The following ZBTB11 variants were observed in gnomAD, a reference collection of about 807,000 sequenced individuals.
ZBTB11 encodes the protein zinc finger and BTB domain-containing protein 11.
A neutral mutation model predicts 113.1 loss-of-function variants in ZBTB11; 68 were observed. That is an observed-to-expected ratio of 0.60 (90% CI 0.49 to 0.74). The LOEUF (loss-of-function observed/expected upper bound fraction) is 0.74. Among genes scored for constraint, ZBTB11 ranks in the 30% least tolerant of loss-of-function variants. The probability of loss-of-function intolerance (pLI) is 0.00; values close to 1 mark genes in which losing one functional copy is unlikely to be tolerated. For synonymous variants in ZBTB11, 518 were observed against 452.6 expected, an observed-to-expected ratio of 1.14 and a Z score of -1.83; for missense variants, 1,104 against 1,279.4, an observed-to-expected ratio of 0.86 and a Z score of 2.09.
intron 4 of ZBTB11, 100 bp downstream of exon 4, chr3:101,664,864 C>T: frequency 6.6e-7 from 1 of 1,509,044 alleles, no homozygotes; most frequent in East Asian, 2.3e-5. Flanking sequence ...TTGTACCCAT[C>T]TCACCTCCCA....
chr3:101,675,530 C>T (rs964866678), intron 1 of ZBTB11, among the ~76,000 whole-genome samples: 1 of 152,194 alleles, frequency 6.6e-6, no homozygotes, highest in South Asian at 2.1e-4. Flanking sequence ...CTGTTCCTAA[C>T]AAAATTTCTT....
intron 3 of ZBTB11, among the ~76,000 whole-genome samples, chr3:101,667,877 A>G (rs1937022321): frequency 6.6e-6 from 1 of 152,184 alleles, no homozygotes. Context: ...CTACCCAAAG[A>G]AAAGAAATTA....
chr3:101,676,844 C>T lies in ZBTB11; in HGVS notation c.71G>A (p.Gly24Asp). The change falls in exon 1 of 11, where the codon GGC becomes GAC. Residue 24 changes from glycine to aspartate, a missense_variant. Physicochemically the swap from Gly to Asp is moderately conservative, Grantham distance 94. This residue lies in a region of ZBTB11 where 245 missense variants were observed against 272.5 expected (regional missense o/e 0.90). Coordinates refer to ENST00000312938, the MANE Select transcript of ZBTB11 (RefSeq NM_014415.4). ...LTNEREPYAP[G>D]TEGNVKRKIR... ...TTTACGCTTGACATTGCCCTCGGTG[C>T]CCGGCGCATACGGCTCGCGCTCGTT... The T allele has an allele frequency of 6.2e-7, 1 of 1,611,502 alleles. No individual in the cohort carries two copies. Among genetic ancestry groups the T allele is most frequent in the Non-Finnish European group, 8.5e-7 (1 of 1,179,004 alleles).
In ZBTB11 at chr3:101,663,746, C is replaced by T. The variant is rs146562061; in HGVS notation, c.1800+792G>A. Among the ~76,000 whole-genome samples the T allele has an allele frequency of 4.0e-4, 61 of 152,190 alleles. No homozygotes were observed. In the East Asian group the frequency reaches 0.011, roughly 27 times the overall value. On this transcript the variant is annotated intron_variant, in intron 5 of 10. Coordinates refer to ENST00000312938, the MANE Select transcript of ZBTB11 (RefSeq NM_014415.4). ...CATATAAAAATACAAAAAAATTAGC[C>T]AGGCATGGTGGCTCGTGCCTGTAGT...
In ZBTB11 at chr3:101,672,123, T is replaced by C. The variant is rs1190601166; in HGVS notation, c.401A>G (p.Glu134Gly). 2.5e-6 allele frequency: 4 copies of C among 1,614,072 alleles called. No individual in the cohort carries two copies. Residue 134 changes from glutamate (E) to glycine (G), a missense_variant, in exon 2 of 11, where the codon GAA becomes GGA. Physicochemically the swap from Glu to Gly is moderately conservative, Grantham distance 98. Coordinates refer to ENST00000312938, the MANE Select transcript of ZBTB11 (RefSeq NM_014415.4). ...GTCTAGTCCCAATTCTTCCAACATT[T>C]CTGAAACATCTGATATTGGACGGGA... ...DRSRPISDVSEMLEELGLDLE... is the reference protein window; with the variant it reads ...DRSRPISDVSGMLEELGLDLE...
chr3:101,651,781 C>A, intron 10 of ZBTB11, 98 bp from the exon 11 acceptor site: 1 of 1,235,376 alleles, frequency 8.1e-7, no homozygotes, highest in Non-Finnish European at 1.1e-6. Context: ...AGTACAGTAG[C>A]TCATAAGCCT....
rs776219239 is a variant in ZBTB11, at chr3:101,671,290, T to C, written c.618A>G (p.Glu206=). 6.2e-7 allele frequency: 1 copy of C among 1,614,198 alleles called. No individual in the cohort carries two copies. Among genetic ancestry groups the C allele is most frequent in the East Asian group, 2.2e-5 (1 of 44,874 alleles). ...HCQAVLKQLN[E]QRLSNQFCDV... ...CACAGAACTGGTTGGAAAGTCTCTG[T>C]TCGTTCAGCTGTTTTAAGACAGCCT... is the stretch of plus-strand genomic sequence containing the variant. The change falls in exon 3 of 11, where the codon GAA becomes GAG. Residue 206 remains glutamate (E), a synonymous_variant. Coordinates refer to ENST00000312938, the MANE Select transcript of ZBTB11 (RefSeq NM_014415.4).
chr3:101,672,763 AC>A (rs1430656081), intron 1 of ZBTB11, among the ~76,000 whole-genome samples: 3 of 152,244 alleles, frequency 2.0e-5, no homozygotes, highest in Non-Finnish European at 2.9e-5. Flanking sequence ...TCAAGCTAAT[AC>A]TTCTCCACCC....
chr3:101,677,086 A>T lies in ZBTB11; in HGVS notation c.-172T>A. ...CGAAGGAAAAGCGGGCGAGTTGGTA[A>T]CCAGGGGGAACTGCACTTCTCCAGC... On this transcript the variant is annotated 5_prime_UTR_variant, in exon 1 of 11. Coordinates refer to ENST00000312938, the MANE Select transcript of ZBTB11 (RefSeq NM_014415.4). The T allele has an allele frequency of 1.5e-6, 1 of 689,362 alleles. No homozygotes were observed. Among genetic ancestry groups the T allele is most frequent in the Non-Finnish European group, 2.3e-6 (1 of 439,244 alleles). The allele number at this position is 689,362 out of a possible 1,614,324, so 42.7% of individuals were successfully genotyped here.
At chr3:101,652,115 C>A (rs368320603) in intron 10 of ZBTB11, among the ~76,000 whole-genome samples, 1 of 151,512 alleles carries the variant, frequency 6.6e-6, no homozygotes, top group Non-Finnish European at 1.5e-5. Context: ...GGTGACAGAG[C>A]AAGACTTTGT....
Position 101,659,826 on chromosome 3 carries a change from A to G in ZBTB11, c.2003T>C (p.Ile668Thr). 6.2e-7 allele frequency: 1 copy of G among 1,614,216 alleles called. No homozygotes were observed. The highest frequency in any genetic ancestry group is 8.5e-7 in the Non-Finnish European group (1 of 1,180,030). ...RTLPKLYSLRIHMLKHTGVKP... is the reference protein window; with the variant it reads ...RTLPKLYSLRTHMLKHTGVKP... ...TACACCTGTGTGCTTTAACATATGT[A>G]TTCGGAGAGAATATAATTTAGGTAA... The change falls in exon 6 of 11, where the codon ATA becomes ACA. Residue 668 changes from isoleucine to threonine, a missense_variant. Coordinates refer to ENST00000312938, the MANE Select transcript of ZBTB11 (RefSeq NM_014415.4).
chr3:101,674,949 T>C (rs959794705), intron 1 of ZBTB11, among the ~76,000 whole-genome samples: 1 of 152,180 alleles, frequency 6.6e-6, no homozygotes, highest in African/African-American at 2.4e-5. Context: ...TTTTAGTTTT[T>C]TCATCTGTAA....
At chr3:101,664,511 C>T (rs1936946380) in intron 5 of ZBTB11, 27 bp downstream of exon 5, 1 of 1,578,866 alleles carries the variant, frequency 6.3e-7, no homozygotes, top group Non-Finnish European at 8.6e-7. Flanking sequence ...ATTAGAGTTA[C>T]CTTCAATTAG....
Position 101,665,330 on chromosome 3 carries a change from G to A in ZBTB11, c.1257C>T (p.Asn419=). ...TGTTTGAAGTTTCTAGTTCTGTCTG[G>A]TTGTTTTTTGTTATTAAATCAACAG... ...MESVDLITKN[N]QTELETSNNR... The change falls in exon 4 of 11, where the codon AAC becomes AAT. Residue 419 remains asparagine (N), a synonymous_variant. Coordinates refer to ENST00000312938, the MANE Select transcript of ZBTB11 (RefSeq NM_014415.4). The A allele has an allele frequency of 1.9e-6, 3 of 1,614,132 alleles. No individual in the cohort carries two copies. The highest frequency in any genetic ancestry group is 2.2e-5 in the South Asian group (2 of 91,076).
chr3:101,654,688 C>T lies in ZBTB11; in HGVS notation c.2309+16G>A, dbSNP rs1194470550. The T allele has an allele frequency of 6.3e-7, 1 of 1,588,316 alleles. No individual in the cohort carries two copies. Among genetic ancestry groups the T allele is most frequent in the Non-Finnish European group, 8.6e-7 (1 of 1,162,270 alleles). The stretch of plus-strand genomic sequence containing the variant: ...ATAATTAAATTAACTGAATGCCTCA[C>T]ATATTGAATACTTACTGAGTACAAT... On this transcript the variant is annotated intron_variant, in intron 8 of 10. Coordinates refer to ENST00000312938, the MANE Select transcript of ZBTB11 (RefSeq NM_014415.4).
In ZBTB11 at chr3:101,677,028, T is replaced by G. The variant is rs2108332018; in HGVS notation, c.-114A>C. The stretch of plus-strand genomic sequence containing the variant: ...CACCGTAGGGAGAAACGGCTGCGCC[T>G]TTGGCGAGCGCTCTTCGACGGCTCC... On this transcript the variant is annotated 5_prime_UTR_variant, in exon 1 of 11. Coordinates refer to ENST00000312938, the MANE Select transcript of ZBTB11 (RefSeq NM_014415.4). The G allele has an allele frequency of 8.2e-7, 1 of 1,225,320 alleles. No homozygotes were observed. Among genetic ancestry groups the G allele is most frequent in the African/African-American group, 1.6e-5 (1 of 64,262 alleles). 75.9% of individuals were successfully genotyped at this position (1,225,320 alleles called of 1,614,324 possible).
intron 3 of ZBTB11, among the ~76,000 whole-genome samples, chr3:101,670,454 CAAT>C (rs1937070603): frequency 6.6e-6 from 1 of 151,984 alleles, no homozygotes; most frequent in African/African-American, 2.4e-5. Flanking sequence ...TATTTATTTA[CAAT>C]AATGATACAA....
At chr3:101,652,356 G>T in intron 10 of ZBTB11, 140 bp downstream of exon 10, 1 of 795,610 alleles carries the variant, frequency 1.3e-6, no homozygotes, top group Non-Finnish European at 1.9e-6. Context: ...AGGTACTCAG[G>T]TTCAGGATCA....
chr3:101,672,290 T>A, intron 1 of ZBTB11, 77 bp from the exon 2 acceptor site: 1 of 1,011,982 alleles, frequency 9.9e-7, no homozygotes, highest in Non-Finnish European at 1.5e-6. Context: ...CTGTGCACAT[T>A]AACACATTTC....
Sources: allele counts gnomAD v4.1 joint callset (sites outside exome capture counted in the v4.1 genomes callset), GRCh38; gene constraint gnomAD v4.1.1; regional missense constraint gnomAD v4.1.1; transcripts MANE v1.5; gene names NCBI Gene and HGNC (gene_info 2026-07-23, HGNC 2026-07-21).